Variants in MACROD2 observed in about 807,000 individuals in gnomAD.
The protein encoded by MACROD2 is ADP-ribose glycohydrolase MACROD2.
A neutral mutation model predicts 70.4 loss-of-function variants in MACROD2; 36 were observed. The ratio of observed to expected loss-of-function variants is 0.51; its 90% CI spans 0.39 to 0.68. The LOEUF (loss-of-function observed/expected upper bound fraction) is 0.68, where lower values mean the gene tolerates loss of function less well. Among genes scored for constraint, MACROD2 ranks in the 30% least tolerant of loss-of-function variants. The probability of loss-of-function intolerance (pLI) is 0.00; values close to 1 mark genes in which losing one functional copy is unlikely to be tolerated. For synonymous variants in MACROD2, 172 were observed against 178.8 expected, an observed-to-expected ratio of 0.96 and a Z score of 0.30; for missense variants, 496 against 538.4, an observed-to-expected ratio of 0.92 and a Z score of 0.78.
intron 3 of MACROD2, among the ~76,000 whole-genome samples, chr20:14,435,385 C>G (rs1267589879): frequency 2.0e-5 from 3 of 152,154 alleles, no homozygotes; most frequent in African/African-American, 7.2e-5. Flanking sequence ...ATTAAACTGC[C>G]ATTCAAGTTT....
chr20:15,869,199 A>G (rs985368165), intron 9 of MACROD2, among the ~76,000 whole-genome samples: 1 of 131,586 alleles, frequency 7.6e-6, no homozygotes, highest in Non-Finnish European at 1.6e-5. Flanking sequence ...ACTTTACTTA[A>G]ATGTGATTAA....
At chr20:15,713,638 A>C (rs139110712) in intron 8 of MACROD2, among the ~76,000 whole-genome samples, 116 of 152,244 alleles carry the variant, frequency 7.6e-4, no homozygotes, top group Middle Eastern at 3.4e-3. Flanking sequence ...ATAGTGCTAA[A>C]CCACTAGAAA....
intron 4 of MACROD2, among the ~76,000 whole-genome samples, chr20:14,592,332 G>A (rs1423565241): frequency 2.6e-5 from 4 of 152,168 alleles, no homozygotes; most frequent in African/African-American, 9.7e-5. Flanking sequence ...TAGTTGTTAA[G>A]TTTTAGGAAC....
intron 5 of MACROD2, among the ~76,000 whole-genome samples, chr20:14,839,233 GT>G (rs1192118475): frequency 6.6e-6 from 1 of 152,104 alleles, no homozygotes; most frequent in Non-Finnish European, 1.5e-5. Context: ...CAGGGCACCT[GT>G]TAGCTGATTT....
At chr20:14,330,333 A>G (rs1177363914) in intron 3 of MACROD2, among the ~76,000 whole-genome samples, 1 of 151,924 alleles carries the variant, frequency 6.6e-6, no homozygotes, top group Non-Finnish European at 1.5e-5. Flanking sequence ...AGGGTCATCC[A>G]CTCTGATACT....
chr20:14,728,881 T>G (rs1191763028), intron 5 of MACROD2, among the ~76,000 whole-genome samples: 4 of 152,160 alleles, frequency 2.6e-5, no homozygotes, highest in African/African-American at 9.6e-5. Context: ...TCTCTACTAT[T>G]GTGTTTGCAT....
At chr20:16,023,861 T>C (rs1231189262) in intron 15 of MACROD2, among the ~76,000 whole-genome samples, 1 of 152,080 alleles carries the variant, frequency 6.6e-6, no homozygotes, top group Admixed American at 6.5e-5. Context: ...AGCAAATGAT[T>C]CCCAAATTCT....
intron 8 of MACROD2, among the ~76,000 whole-genome samples, chr20:15,838,845 T>A (rs1328501896): frequency 8.6e-5 from 13 of 151,504 alleles, no homozygotes; most frequent in Admixed American, 8.6e-4. Flanking sequence ...TGGTTTCATT[T>A]GATAAAAGCA....
intron 15 of MACROD2, among the ~76,000 whole-genome samples, chr20:16,004,402 G>A (rs1319330280): frequency 6.6e-6 from 1 of 152,148 alleles, no homozygotes; most frequent in Non-Finnish European, 1.5e-5. Flanking sequence ...TGCATCCTGA[G>A]CAGCATATAT....
chr20:15,797,723 G>A (rs1016639510), intron 8 of MACROD2, among the ~76,000 whole-genome samples: 2 of 152,120 alleles, frequency 1.3e-5, no homozygotes, highest in Non-Finnish European at 2.9e-5. Flanking sequence ...AAAATAATCA[G>A]GGTTCTATTA....
intron 5 of MACROD2, among the ~76,000 whole-genome samples, chr20:14,915,575 T>C (rs1202036579): frequency 6.6e-6 from 1 of 152,164 alleles, no homozygotes; most frequent in Non-Finnish European, 1.5e-5. Flanking sequence ...AATGTGGTAA[T>C]CTCTGTGCTT....
chr20:14,575,306 G>A (rs1980521445), intron 4 of MACROD2, among the ~76,000 whole-genome samples: 1 of 151,964 alleles, frequency 6.6e-6, no homozygotes, highest in Non-Finnish European at 1.5e-5. Context: ...TTACAGTTTT[G>A]CAAAACACTT....
intron 3 of MACROD2, among the ~76,000 whole-genome samples, chr20:14,270,161 ATATT>A (rs924883917): frequency 1.6e-4 from 25 of 152,154 alleles, no homozygotes; most frequent in African/African-American, 6.0e-4. Flanking sequence ...GTGTGTATAT[ATATT>A]AATTTCTCTC....
At chr20:14,661,267 C>T (rs1021090414) in intron 4 of MACROD2, among the ~76,000 whole-genome samples, 3 of 152,082 alleles carry the variant, frequency 2.0e-5, no homozygotes, top group South Asian at 2.1e-4. Context: ...GATCCTATCT[C>T]GTTGTGGTTT....
At chr20:15,728,916 C>A (rs1454257289) in intron 8 of MACROD2, among the ~76,000 whole-genome samples, 2 of 152,190 alleles carry the variant, frequency 1.3e-5, no homozygotes, top group Middle Eastern at 3.4e-3. Context: ...TATTTCTTGT[C>A]ATCTACTAGC....
chr20:15,117,340 A>G (rs545173836), intron 5 of MACROD2, among the ~76,000 whole-genome samples: 1 of 152,242 alleles, frequency 6.6e-6, no homozygotes, highest in Non-Finnish European at 1.5e-5. Flanking sequence ...AACATAATTG[A>G]GATTTTGTTT....
intron 8 of MACROD2, among the ~76,000 whole-genome samples, chr20:15,795,039 A>T (rs572418829): frequency 3.9e-5 from 6 of 152,228 alleles, no homozygotes; most frequent in African/African-American, 1.4e-4. Context: ...TATGCTAGGT[A>T]GGTACTAAGA....
At chr20:14,952,810 G>A (rs562893041) in intron 5 of MACROD2, among the ~76,000 whole-genome samples, 3 of 152,082 alleles carry the variant, frequency 2.0e-5, no homozygotes, top group East Asian at 3.9e-4. Context: ...GAAGTAAAAG[G>A]TTCAATATCT....
intron 8 of MACROD2, among the ~76,000 whole-genome samples, chr20:15,689,030 G>A (rs1344036168): frequency 3.9e-5 from 6 of 152,182 alleles, no homozygotes; most frequent in East Asian, 3.9e-4. Flanking sequence ...TGGGCCGGGC[G>A]TGATGGCTCA....
Sources: gnomAD v4.1 joint callset for allele counts (sites outside exome capture counted in the v4.1 genomes callset) on GRCh38, gnomAD v4.1.1 for gene constraint, MANE v1.5 for transcripts, NCBI Gene and HGNC (gene_info 2026-07-23, HGNC 2026-07-21) for gene names.